SMIM41: variants seen among roughly 807,000 people sequenced by gnomAD.
The protein encoded by SMIM41 is small integral membrane protein 41.
intron 2 of SMIM41, chr12:52,104,310 G>A (rs918855054): frequency 2.6e-5 from 4 of 153,628 alleles, no homozygotes; most frequent in African/African-American, 9.6e-5. Flanking sequence ...GAGCCCCCCA[G>A]GCCATAGAAT....
intron 2 of SMIM41, among the ~76,000 whole-genome samples, chr12:52,094,155 A>G (rs1024312698): frequency 6.6e-6 from 1 of 151,260 alleles, no homozygotes; most frequent in African/African-American, 2.4e-5. Flanking sequence ...AGAAAAAGAA[A>G]AAAAGAAAAA....
At chr12:52,083,795 T>C (rs1367649451) in intron 1 of SMIM41, 99 bp from the exon 2 acceptor site, 1 of 152,218 alleles carries the variant, frequency 6.6e-6, no homozygotes, top group East Asian at 1.9e-4. Flanking sequence ...AGGTTTGTCA[T>C]TGATCAAATA....
chr12:52,082,557 T>C (rs754681903), intron 1 of SMIM41, among the ~76,000 whole-genome samples: 8 of 152,018 alleles, frequency 5.3e-5, no homozygotes, highest in Non-Finnish European at 7.4e-5. Context: ...AATTGGGAAG[T>C]GGGTGCTGCT....
chr12:52,097,140 G>A (rs1227408754), intron 2 of SMIM41, among the ~76,000 whole-genome samples: 1 of 152,042 alleles, frequency 6.6e-6, no homozygotes, highest in Non-Finnish European at 1.5e-5. Context: ...ATGGCAGGGG[G>A]TGAACACCCC....
At chr12:52,088,244 G>A (rs1920606) in intron 2 of SMIM41, among the ~76,000 whole-genome samples, 30,704 of 152,180 alleles carry the variant, frequency 0.2, 4,015 homozygotes, top group East Asian at 0.45. Flanking sequence ...GCAGAGTGAC[G>A]GGATGGAAAC....
chr12:52,090,219 C>T (rs556989039), intron 2 of SMIM41, among the ~76,000 whole-genome samples: 48 of 152,028 alleles, frequency 3.2e-4, no homozygotes, highest in Non-Finnish European at 6.6e-4. Context: ...TACAGGCACG[C>T]AACCACCACA....
chr12:52,098,102 C>T (rs1033818255), intron 2 of SMIM41, among the ~76,000 whole-genome samples: 2 of 151,040 alleles, frequency 1.3e-5, no homozygotes, highest in African/African-American at 4.9e-5. Context: ...GAATGTCATC[C>T]TGTGCCTCCC....
At position 52,085,536 on chromosome 12, in the gene SMIM41, C is replaced by T. The variant is rs561205859; in HGVS notation, c.*195+1568C>T. On this transcript the variant is annotated intron_variant, in intron 2 of 2. Transcript: ENST00000546390. ...TGTGAGTGTTGATGGTGTGCGTTCC[C>T]GGCCTCCATGTGAGGCAGGACATTG... 3.3e-4 allele frequency among the ~76,000 whole-genome samples: 50 copies of T among 152,266 alleles called. 1 individual carries two copies. In the South Asian group the frequency reaches 4.6e-3, roughly 14 times the overall value.
intron 2 of SMIM41, among the ~76,000 whole-genome samples, chr12:52,096,158 A>G (rs1195983565): frequency 1.3e-5 from 2 of 151,840 alleles, no homozygotes; most frequent in Non-Finnish European, 2.9e-5. Context: ...AGCCTGCAAT[A>G]TTGGGAGTAA....
At chr12:52,083,095 G>A (rs976415981) in intron 1 of SMIM41, among the ~76,000 whole-genome samples, 5 of 152,134 alleles carry the variant, frequency 3.3e-5, no homozygotes, top group Admixed American at 2.0e-4. Context: ...CTCCCAGCCC[G>A]CTTGAGGCCT....
chr12:52,100,097 A>G (rs1170725749), intron 2 of SMIM41, among the ~76,000 whole-genome samples: 1 of 132,676 alleles, frequency 7.5e-6, no homozygotes, highest in Non-Finnish European at 1.7e-5. Context: ...CCCCCCGGAT[A>G]TTGGGAAAAA....
chr12:52,087,875 G>A (rs923657544), intron 2 of SMIM41, among the ~76,000 whole-genome samples: 2 of 152,098 alleles, frequency 1.3e-5, no homozygotes, highest in African/African-American at 2.4e-5. Flanking sequence ...TGAGAGTCTT[G>A]TACCAGGGTT....
chr12:52,079,972 C>G lies in SMIM41; in HGVS notation c.193C>G (p.Leu65Val), dbSNP rs1356989900. The change falls in exon 1 of 3, where the codon CTG becomes GTG. Residue 65 changes from leucine (L) to valine (V), a missense_variant. Physicochemically the swap from Leu to Val is conservative, Grantham distance 32. Transcript: ENST00000546390. The part of the protein sequence containing the change: ...GGGLLLRAQG[L>V]TALLTREQRA... ...CGGCCTCCTCCTCCGCGCCCAGGGC[C>G]TGACAGCGCTGCTGACCCGCGAGCA... The G allele has an allele frequency of 1.6e-5, 6 of 382,576 alleles. No homozygotes were observed. The highest frequency in any genetic ancestry group is 4.5e-5 in the Admixed American group (1 of 22,152). 23.7% of individuals were successfully genotyped at this position (382,576 alleles called of 1,614,324 possible).
At chr12:52,093,262 T>C (rs1565667894) in intron 2 of SMIM41, among the ~76,000 whole-genome samples, 1 of 152,148 alleles carries the variant, frequency 6.6e-6, no homozygotes, top group Non-Finnish European at 1.5e-5. Flanking sequence ...AAAACAAATC[T>C]CTACAGAGAG....
chr12:52,102,780 C>T (rs770165560), intron 2 of SMIM41, among the ~76,000 whole-genome samples: 10 of 152,098 alleles, frequency 6.6e-5, no homozygotes, highest in Non-Finnish European at 8.8e-5. Flanking sequence ...CATGAAGGAA[C>T]AGGGAAAATA....
chr12:52,083,361 C>T (rs1032844145), intron 1 of SMIM41, among the ~76,000 whole-genome samples: 14 of 152,314 alleles, frequency 9.2e-5, no homozygotes, highest in Admixed American at 9.2e-4. Context: ...GCTGGTGATG[C>T]AAGCTTCAGG....
intron 1 of SMIM41, among the ~76,000 whole-genome samples, 194 bp from the exon 2 acceptor site, chr12:52,083,700 C>T (rs749366974): frequency 7.9e-5 from 12 of 152,184 alleles, no homozygotes; most frequent in East Asian, 1.9e-4. Flanking sequence ...GAGTGGGTAT[C>T]GTGAGCATGT....
rs1275304407 is a variant in SMIM41 at position 52,107,776 on chromosome 12, T to C, written c.*593T>C. 1.9e-5 allele frequency: 7 copies of C among 373,734 alleles called. No homozygotes were observed. The highest frequency in any genetic ancestry group is 2.1e-5 in the South Asian group (1 of 47,648). The allele number at this position is 373,734 out of a possible 1,614,324, so 23.2% of individuals were successfully genotyped here. A position where few individuals can be genotyped will look rare whatever the true frequency, so the allele number is the denominator to read the frequency against. ...TTTCTGTGGCTTCCTAGTTTTGCTG[T>C]CTTTTTTTTTTCTCAGTCTTTTAGA... On this transcript the variant is annotated 3_prime_UTR_variant, in exon 3 of 3. Transcript: ENST00000546390.
intron 2 of SMIM41, among the ~76,000 whole-genome samples, chr12:52,099,222 A>AATATC (rs1478620421): frequency 2.0e-5 from 3 of 151,908 alleles, no homozygotes; most frequent in Admixed American, 6.6e-5. Flanking sequence ...CATGAGTAGT[A>AATATC]ATATCATCCT....
Sources: allele counts gnomAD v4.1 joint callset (sites outside exome capture counted in the v4.1 genomes callset), GRCh38; gene constraint gnomAD v4.1.1; transcripts MANE v1.5; gene names NCBI Gene and HGNC (gene_info 2026-07-23, HGNC 2026-07-21).